LRP1B: variants seen among roughly 807,000 people sequenced by gnomAD.
LRP1B encodes low-density lipoprotein receptor-related protein 1B.
A neutral mutation model predicts 556.6 loss-of-function variants in LRP1B; 217 were observed. That is an observed-to-expected ratio of 0.39 (90% CI 0.35 to 0.44). LRP1B has a LOEUF of 0.44. Ranked by LOEUF, LRP1B falls within the 20% of genes least tolerant of loss-of-function variation. The probability of loss-of-function intolerance (pLI) is 1.00; values close to 1 mark genes in which losing one functional copy is unlikely to be tolerated. For synonymous variants in LRP1B, 2,047 were observed against 1,865.8 expected (o/e 1.10, Z -2.50); for missense variants, 5,053 against 5,620.8 (o/e 0.90, Z 3.23).
intron 2 of LRP1B, among the ~76,000 whole-genome samples, chr2:141,544,307 C>CTTCTTCTTCTTCTTCTTCTTCTT (rs1265158865): frequency 0.18 from 2,473 of 13,640 alleles, 514 homozygotes; most frequent in South Asian, 0.28. Flanking sequence ...TCTTCTTCTT[C>CTTCTTCTTCTTCTTCTTCTTCTT]TTCTTCTTCT....
intron 1 of LRP1B, among the ~76,000 whole-genome samples, chr2:141,824,641 C>T (rs917743712): frequency 5.3e-5 from 8 of 152,236 alleles, no homozygotes; most frequent in African/African-American, 1.9e-4. Flanking sequence ...GCGTGAGCCA[C>T]CGCGTCCGGC....
intron 3 of LRP1B, among the ~76,000 whole-genome samples, chr2:141,419,932 A>G (rs73963077): frequency 0.057 from 4,409 of 77,748 alleles, 229 homozygotes; most frequent in African/African-American, 0.18. Flanking sequence ...GTGACCTAAC[A>G]TATGACCTAT....
chr2:141,043,814 T>C (rs1698779617), intron 11 of LRP1B, among the ~76,000 whole-genome samples: 1 of 151,958 alleles, frequency 6.6e-6, no homozygotes, highest in Admixed American at 6.6e-5. Flanking sequence ...GAAAAATAAA[T>C]CTTGGAAAGG....
intron 90 of LRP1B, 30 bp from the exon 91 acceptor site, chr2:140,233,356 TA>T: frequency 6.6e-7 from 1 of 1,511,450 alleles, no homozygotes; most frequent in Non-Finnish European, 8.9e-7. Context: ...AATATAATTT[TA>T]TTACTGGTCT....
chr2:141,272,268 A>T (rs1463603230), intron 3 of LRP1B, among the ~76,000 whole-genome samples: 3 of 152,096 alleles, frequency 2.0e-5, no homozygotes, highest in Non-Finnish European at 2.9e-5. Flanking sequence ...ATTATGATAA[A>T]CTGAGATATA....
chr2:141,060,252 C>T (rs1311067038), intron 8 of LRP1B, among the ~76,000 whole-genome samples: 1 of 151,642 alleles, frequency 6.6e-6, no homozygotes, highest in Non-Finnish European at 1.5e-5. Context: ...GGTTTTATCT[C>T]ATTTCTTCAT....
At chr2:140,473,293 T>C (rs1225009920) in intron 60 of LRP1B, among the ~76,000 whole-genome samples, 2 of 152,002 alleles carry the variant, frequency 1.3e-5, no homozygotes, top group African/African-American at 4.8e-5. Context: ...GGAGAAAATA[T>C]TCTGAAGGCT....
At chr2:140,544,863 G>GT (rs1017649568) in intron 43 of LRP1B, among the ~76,000 whole-genome samples, 1 of 152,068 alleles carries the variant, frequency 6.6e-6, no homozygotes, top group Non-Finnish European at 1.5e-5. Flanking sequence ...GGGTCGAATG[G>GT]TATCTCTATT....
At chr2:142,012,911 A>C (rs994787296) in intron 1 of LRP1B, among the ~76,000 whole-genome samples, 1 of 152,166 alleles carries the variant, frequency 6.6e-6, no homozygotes, top group Non-Finnish European at 1.5e-5. Context: ...CTCATCTGTC[A>C]AATAGACCTA....
chr2:141,355,281 C>T (rs1326467333), intron 3 of LRP1B, among the ~76,000 whole-genome samples: 1 of 149,292 alleles, frequency 6.7e-6, no homozygotes, highest in Non-Finnish European at 1.5e-5. Context: ...TTTTAAGTCA[C>T]TAATGTTTTA....
intron 1 of LRP1B, among the ~76,000 whole-genome samples, chr2:141,826,502 G>A (rs1395072274): frequency 2.0e-5 from 3 of 151,800 alleles, no homozygotes; most frequent in Non-Finnish European, 4.4e-5. Context: ...TGGGACTACA[G>A]GTGCCCGCCA....
At chr2:141,994,483 CTTATA>C (rs768167605) in intron 1 of LRP1B, among the ~76,000 whole-genome samples, 23 of 152,030 alleles carry the variant, frequency 1.5e-4, no homozygotes, top group Non-Finnish European at 2.8e-4. Flanking sequence ...ATTTCTAGAT[CTTATA>C]TTAAATATAT....
intron 7 of LRP1B, among the ~76,000 whole-genome samples, chr2:141,168,736 G>T (rs1558907072): frequency 6.6e-6 from 1 of 151,994 alleles, no homozygotes; most frequent in Non-Finnish European, 1.5e-5. Context: ...TTCAAACCCT[G>T]ACCTCATTTA....
chr2:140,954,631 A>G (rs186384579), intron 18 of LRP1B, among the ~76,000 whole-genome samples: 1 of 152,182 alleles, frequency 6.6e-6, no homozygotes, highest in Admixed American at 6.5e-5. Flanking sequence ...TAAAGTGGAA[A>G]TTAGCTCTGA....
At chr2:140,277,901 G>T (rs1165711309) in intron 84 of LRP1B, among the ~76,000 whole-genome samples, 1 of 151,740 alleles carries the variant, frequency 6.6e-6, no homozygotes, top group Admixed American at 6.6e-5. Context: ...AGAAAAGCAT[G>T]CACATGTATG....
Position 140,436,822 on chromosome 2 carries a change from C to T in LRP1B, c.10414+5682G>A, listed in dbSNP as rs16843953. ...CAAGACAGATTGATATGGGATGGAC[C>T]AAGACCTGGAAAGATAAGTGTCACA... On this transcript the variant is annotated intron_variant, in intron 66 of 90. Transcript: ENST00000389484. Among the ~76,000 whole-genome samples the T allele has an allele frequency of 5.0e-3, 754 of 152,054 alleles. 8 individuals carry two copies. Among genetic ancestry groups the T allele is most frequent in the African/African-American group, 0.016 (650 of 41,486 alleles).
At chr2:141,097,064 G>A (rs1197992152) in intron 7 of LRP1B, among the ~76,000 whole-genome samples, 3 of 152,156 alleles carry the variant, frequency 2.0e-5, no homozygotes, top group African/African-American at 4.8e-5. Context: ...TCCTAGCATA[G>A]CAGCTGACAC....
chr2:141,665,548 C>A (rs1690395354), intron 2 of LRP1B, among the ~76,000 whole-genome samples: 1 of 152,110 alleles, frequency 6.6e-6, no homozygotes, highest in South Asian at 2.1e-4. Flanking sequence ...ACCAGAAATA[C>A]CATTTGACCC....
intron 2 of LRP1B, among the ~76,000 whole-genome samples, chr2:141,646,223 A>G (rs1689558371): frequency 6.6e-6 from 1 of 152,188 alleles, no homozygotes; most frequent in Admixed American, 6.6e-5. Context: ...TTAAAAGAGA[A>G]TTCCATGTTT....
Sources: gnomAD v4.1 joint callset for allele counts (sites outside exome capture counted in the v4.1 genomes callset) on GRCh38, gnomAD v4.1.1 for gene constraint, MANE v1.5 for transcripts, NCBI Gene and HGNC (gene_info 2026-07-23, HGNC 2026-07-21) for gene names.